The following TNRC6B variants were observed in gnomAD, a reference collection of about 807,000 sequenced individuals.
TNRC6B encodes trinucleotide repeat containing adaptor 6B.
TNRC6B carries 52 observed loss-of-function variants against 203.6 expected under a neutral mutation model. That is an observed-to-expected ratio of 0.26 (90% confidence interval 0.20 to 0.32). The LOEUF (loss-of-function observed/expected upper bound fraction) is 0.32. Ranked by LOEUF, TNRC6B falls within the 10% of genes least tolerant of loss-of-function variation. The pLI, the probability that TNRC6B is intolerant of heterozygous loss-of-function variation, is 1.00. For missense variants in TNRC6B, 1,923 were observed against 2,286.2 expected (o/e 0.84, Z 3.24); for synonymous variants, 838 against 845.7 (o/e 0.99, Z 0.16).
chr22:40,072,377 G>C (rs750678590), intron 1 of TNRC6B, among the ~76,000 whole-genome samples: 22 of 152,188 alleles, frequency 1.4e-4, no homozygotes, highest in Admixed American at 3.9e-4. Flanking sequence ...GTGGGATGCA[G>C]ATGTCATCCT....
rs186122977 is a variant in TNRC6B at position 40,069,566 on chromosome 22, C to T, written c.-121+24568C>T. 5.1e-3 allele frequency among the ~76,000 whole-genome samples: 769 copies of T among 151,514 alleles called. 13 individuals are homozygous for T. Among genetic ancestry groups the T allele is most frequent in the Middle Eastern group, 0.024 (7 of 292 alleles). On this transcript the variant is annotated intron_variant, in intron 1 of 23. Transcript: ENST00000301923. ...GCAATGGCGTGATCTCGGCTCACCG[C>T]AACCTCCGCCTCCTAGGTTCAGGCG...
chr22:40,125,087 T>C (rs2146323744), intron 2 of TNRC6B, among the ~76,000 whole-genome samples: 1 of 152,320 alleles, frequency 6.6e-6, no homozygotes, highest in African/African-American at 2.4e-5. Flanking sequence ...TTTTTAGTAG[T>C]TTCCTTTTGG....
At chr22:40,273,886 A>C (rs571739499) in intron 7 of TNRC6B, among the ~76,000 whole-genome samples, 6 of 152,144 alleles carry the variant, frequency 3.9e-5, no homozygotes, top group Admixed American at 1.3e-4. Context: ...CCTGGGCTCA[A>C]TCCTCCTGCC....
intron 11 of TNRC6B, among the ~76,000 whole-genome samples, chr22:40,283,570 A>G (rs1302213338): frequency 6.6e-6 from 1 of 152,214 alleles, no homozygotes; most frequent in African/African-American, 2.4e-5. Context: ...GGGGCCAAGA[A>G]AATGAGCAGC....
intron 1 of TNRC6B, among the ~76,000 whole-genome samples, chr22:40,080,486 C>G (rs1365256511): frequency 6.6e-6 from 1 of 152,142 alleles, no homozygotes; most frequent in African/African-American, 2.4e-5. Context: ...TGTCACTCTG[C>G]TATTTAAACA....
At chr22:40,243,168 C>T (rs1185517069) in intron 1 of TNRC6B, among the ~76,000 whole-genome samples, 2 of 152,080 alleles carry the variant, frequency 1.3e-5, no homozygotes, top group East Asian at 3.9e-4. Context: ...CGCAACCGGC[C>T]TGGATTTTTT....
At chr22:40,283,392 C>G (rs1349550607) in intron 11 of TNRC6B, among the ~76,000 whole-genome samples, 2 of 152,140 alleles carry the variant, frequency 1.3e-5, no homozygotes, top group African/African-American at 4.8e-5. Flanking sequence ...CTAGGTTGGT[C>G]TCGAACTCCT....
At position 40,321,179 on chromosome 22, in the gene TNRC6B, C is replaced by G; in HGVS notation, c.5064C>G (p.Ile1688Met). 2 of 1,613,988 alleles carry G rather than the reference C, an allele frequency of 1.2e-6. No homozygotes were observed. The highest frequency in any genetic ancestry group is 8.5e-7 in the Non-Finnish European group (1 of 1,179,890). The stretch of plus-strand genomic sequence containing the variant: ...ATCTAACCCAGGGCACTGCCCTGAT[C>G]CGATACAGCACCAAACAGGAGGCGG... Reference protein sequence around the residue: ...HLNLTQGTALIRYSTKQEAAK... With the variant: ...HLNLTQGTALMRYSTKQEAAK... Residue 1688 changes from isoleucine (I) to methionine (M), a missense_variant, in exon 22 of 23, where the codon ATC becomes ATG. Ile to Met is a conservative substitution (Grantham distance 10, BLOSUM62 1). This residue lies in a region of TNRC6B where 34 missense variants were observed against 98.5 expected (regional missense o/e 0.35). Coordinates refer to ENST00000454349, the MANE Select transcript of TNRC6B (RefSeq NM_001162501.2).
intron 1 of TNRC6B, among the ~76,000 whole-genome samples, chr22:40,208,851 C>A (rs956178147): frequency 2.0e-5 from 3 of 152,114 alleles, no homozygotes; most frequent in Admixed American, 1.3e-4. Flanking sequence ...GTTTTGAATT[C>A]TTTGCCAATG....
chr22:40,111,052 C>T (rs1253122358), intron 1 of TNRC6B, among the ~76,000 whole-genome samples: 2 of 152,132 alleles, frequency 1.3e-5, no homozygotes, highest in African/African-American at 4.8e-5. Context: ...GTTCTGAGTG[C>T]AGTTGCTCAC....
chr22:40,190,250 C>T lies in TNRC6B; in HGVS notation c.5+12110C>T, dbSNP rs192765025. 3.7e-3 allele frequency among the ~76,000 whole-genome samples: 564 copies of T among 152,242 alleles called. 3 individuals carry two copies. The highest frequency in any genetic ancestry group is 5.9e-3 in the Non-Finnish European group (403 of 68,022). On this transcript the variant is annotated intron_variant, in intron 1 of 22. Coordinates refer to ENST00000454349, the MANE Select transcript of TNRC6B (RefSeq NM_001162501.2). ...TTGTTCCATCTGAATATGCTGTGAG[C>T]AGATAACCATTCTACATTCGTGTCT...
At chr22:40,089,134 C>G (rs927073763) in intron 1 of TNRC6B, among the ~76,000 whole-genome samples, 1 of 152,170 alleles carries the variant, frequency 6.6e-6, no homozygotes, top group African/African-American at 2.4e-5. Flanking sequence ...ATAATTTCCA[C>G]TGTTTTGAGA....
chr22:40,259,850 G>GT (rs1396957248), intron 3 of TNRC6B, among the ~76,000 whole-genome samples: 1 of 152,204 alleles, frequency 6.6e-6, no homozygotes, highest in Non-Finnish European at 1.5e-5. Flanking sequence ...TGGCCCTGAC[G>GT]TTACCCTGGG....
At position 40,329,766 on chromosome 22, in the gene TNRC6B, G is replaced by C. The variant is rs999559509; in HGVS notation, c.*6525G>C. ...TATTTGAGTAGTTTTTAAGCTGTCA[G>C]TCTCTTGTCATAACCTCCTACCGCC... On this transcript the variant is annotated 3_prime_UTR_variant, in exon 23 of 23. Transcript: ENST00000454349. The C allele has an allele frequency of 2.6e-5, 4 of 152,178 alleles. No homozygotes were observed. Among genetic ancestry groups the C allele is most frequent in the African/African-American group, 7.2e-5 (3 of 41,436 alleles). The allele number at this position is 152,178 out of a possible 1,614,324, so 9.4% of individuals were successfully genotyped here. A position where few individuals can be genotyped will look rare whatever the true frequency, so the allele number is the denominator to read the frequency against.
At chr22:40,232,143 G>T (rs2069880603) in intron 1 of TNRC6B, among the ~76,000 whole-genome samples, 1 of 152,172 alleles carries the variant, frequency 6.6e-6, no homozygotes, top group African/African-American at 2.4e-5. Context: ...GAAAAAACAG[G>T]AGTGTTAGGT....
intron 1 of TNRC6B, among the ~76,000 whole-genome samples, chr22:40,209,875 C>T (rs558540139): frequency 2.4e-4 from 36 of 152,096 alleles, no homozygotes; most frequent in Admixed American, 5.2e-4. Context: ...AAAAATGAAC[C>T]GGACATGGTG....
chr22:40,131,195 C>A (rs888904704), intron 3 of TNRC6B, among the ~76,000 whole-genome samples: 3 of 152,162 alleles, frequency 2.0e-5, no homozygotes, highest in Non-Finnish European at 4.4e-5. Flanking sequence ...GCTGGGATTA[C>A]AGGCTGAGCC....
chr22:40,134,368 A>T (rs183223624), intron 3 of TNRC6B, among the ~76,000 whole-genome samples: 3 of 152,222 alleles, frequency 2.0e-5, no homozygotes, highest in Non-Finnish European at 4.4e-5. Context: ...AAATTCCACT[A>T]GCGGAATGTT....
chr22:40,109,851 C>T (rs1306451776), intron 1 of TNRC6B, among the ~76,000 whole-genome samples: 4 of 152,176 alleles, frequency 2.6e-5, no homozygotes, highest in Non-Finnish European at 5.9e-5. Context: ...GCTTTTTTCT[C>T]CTTATATTTA....
Sources: allele counts gnomAD v4.1 joint callset (sites outside exome capture counted in the v4.1 genomes callset), GRCh38; gene constraint gnomAD v4.1.1; regional missense constraint gnomAD v4.1.1; transcripts MANE v1.5; gene names NCBI Gene and HGNC (gene_info 2026-07-23, HGNC 2026-07-21).